Variants in PKIB observed in about 807,000 individuals in gnomAD.
PKIB encodes PKI-beta.
In PKIB, 2 loss-of-function variants were observed where a neutral mutation model predicts 4.5. The ratio of observed to expected loss-of-function variants is 0.44; its 90% CI spans 0.18 to 1.39. PKIB has a LOEUF of 1.39. Among genes scored for constraint, PKIB ranks in the 40% most tolerant of loss-of-function variants. The probability of loss-of-function intolerance (pLI) is 0.27; values close to 1 mark genes in which losing one functional copy is unlikely to be tolerated. For missense variants in PKIB, 94 were observed against 92.6 expected (o/e 1.02, Z -0.06); for synonymous variants, 38 against 36.0 (o/e 1.06, Z -0.20).
At chr6:122,481,152 G>A (rs1451742535) in intron 2 of PKIB, 1 of 152,104 alleles carries the variant, frequency 6.6e-6, no homozygotes, top group Admixed American at 6.5e-5. Context: ...AGAACAAATA[G>A]GTTTCATGTG....
rs149903649 is a variant in PKIB at position 122,696,985 on chromosome 6, G to C, written c.-8-20802G>C. On this transcript the variant is annotated intron_variant, in intron 3 of 4. Coordinates refer to ENST00000368452, the MANE Select transcript of PKIB (RefSeq NM_181795.3). ...ACACCACCTGACCCTGAAGAGATGA[G>C]ACCAACAGCAAGTTATTAGTCATGT... Among the ~76,000 whole-genome samples, 124 of 152,292 alleles carry C rather than the reference G, an allele frequency of 8.1e-4. 1 individual carries two copies. Among genetic ancestry groups the C allele is most frequent in the South Asian group, 4.3e-3 (21 of 4,834 alleles).
chr6:122,694,024 G>A lies in PKIB; in HGVS notation c.-9+18880G>A, dbSNP rs567841761. On this transcript the variant is annotated intron_variant, in intron 3 of 4. Coordinates refer to ENST00000368452, the MANE Select transcript of PKIB (RefSeq NM_181795.3). ...TGAAATTGGATGAGTAGGCTTCCAAGGTCGTGCGTATGCATTTCTACACTT... is the reference window on the plus strand; with the variant it reads ...TGAAATTGGATGAGTAGGCTTCCAAAGTCGTGCGTATGCATTTCTACACTT... Among the ~76,000 whole-genome samples, 47 of 152,234 alleles carry A rather than the reference G, an allele frequency of 3.1e-4. No individual in the cohort carries two copies. The South Asian group carries it at 9.5e-3, about 31-fold the overall frequency.
chr6:122,588,414 T>C (rs1390357069), intron 3 of PKIB, among the ~76,000 whole-genome samples: 2 of 152,090 alleles, frequency 1.3e-5, no homozygotes, highest in Non-Finnish European at 2.9e-5. Context: ...CTTCACAGAA[T>C]TGGAAAAAAC....
rs370374504 is a variant in PKIB at position 122,497,345 on chromosome 6, T to C, written c.-248+19406T>C. Among the ~76,000 whole-genome samples, 18 of 152,252 alleles carry C rather than the reference T, an allele frequency of 1.2e-4. No homozygotes were observed. The East Asian group carries it at 2.9e-3, about 25-fold the overall frequency. The stretch of plus-strand genomic sequence containing the variant: ...AACTACAAAGCAACCAGCTAACAAC[T>C]TTATGATAGAATCAAAACTTCACAT... On this transcript the variant is annotated intron_variant, in intron 2 of 6. Coordinates refer to the PKIB transcript ENST00000392491.
At chr6:122,609,921 C>G (rs1377588748), upstream of PKIB, among the ~76,000 whole-genome samples, 1 of 152,166 alleles carries the variant, frequency 6.6e-6, no homozygotes, top group Non-Finnish European at 1.5e-5. Context: ...CGTAGATAAG[C>G]CTGTGTACCT....
At chr6:122,612,755 T>G (rs1483313999) in intron 1 of PKIB, among the ~76,000 whole-genome samples, 1 of 152,264 alleles carries the variant, frequency 6.6e-6, no homozygotes, top group East Asian at 1.9e-4. Context: ...CTGAGAACAT[T>G]TGCATTCAAG....
chr6:122,505,083 T>G (rs1236066550), intron 2 of PKIB, among the ~76,000 whole-genome samples: 2 of 152,242 alleles, frequency 1.3e-5, no homozygotes, highest in African/African-American at 4.8e-5. Flanking sequence ...GTCATAGGCG[T>G]TATCTATAGT....
At chr6:122,648,839 T>C (rs984486691) in intron 2 of PKIB, among the ~76,000 whole-genome samples, 1 of 152,212 alleles carries the variant, frequency 6.6e-6, no homozygotes, top group Non-Finnish European at 1.5e-5. Context: ...AGTGTTGGTC[T>C]CTGCTGCTGG....
Position 122,634,041 on chromosome 6 carries a change from T to C in PKIB, c.-76+674T>C, listed in dbSNP as rs147489801. 1.8e-3 allele frequency among the ~76,000 whole-genome samples: 279 copies of C among 152,148 alleles called. 1 individual carries two copies. Among genetic ancestry groups the C allele is most frequent in the African/African-American group, 6.5e-3 (268 of 41,504 alleles). ...TACACAGTAGTGCATCCTTTGAAAA[T>C]TGAGGCCACATTCATATTGCAGTCT... On this transcript the variant is annotated intron_variant, in intron 2 of 4. Transcript: ENST00000368452.
At chr6:122,613,959 C>CAAAAAAA (rs67112737) in intron 1 of PKIB, among the ~76,000 whole-genome samples, 21 of 77,368 alleles carry the variant, frequency 2.7e-4, no homozygotes, top group Non-Finnish European at 3.4e-4. Flanking sequence ...GAGACTCCAT[C>CAAAAAAA]AAAAAAAAAA....
chr6:122,489,196 A>G (rs1775865712), intron 2 of PKIB, among the ~76,000 whole-genome samples: 1 of 150,920 alleles, frequency 6.6e-6, no homozygotes, highest in Non-Finnish European at 1.5e-5. Context: ...GGGGAAAAAT[A>G]AGAGACTTTT....
At chr6:122,506,317 G>A (rs190708973) in intron 2 of PKIB, among the ~76,000 whole-genome samples, 9 of 152,254 alleles carry the variant, frequency 5.9e-5, no homozygotes, top group South Asian at 4.1e-4. Flanking sequence ...TTTGGGCACC[G>A]TTTGGTGGGA....
chr6:122,696,717 A>G (rs1353355191), intron 3 of PKIB, among the ~76,000 whole-genome samples: 4 of 152,204 alleles, frequency 2.6e-5, no homozygotes, highest in African/African-American at 9.7e-5. Context: ...AAGAGGATGC[A>G]GATGCACATA....
At chr6:122,484,475 A>G (rs1276293844) in intron 2 of PKIB, among the ~76,000 whole-genome samples, 2 of 152,186 alleles carry the variant, frequency 1.3e-5, no homozygotes, top group African/African-American at 2.4e-5. Flanking sequence ...TTTTTGGAAG[A>G]TGTATTCTGT....
intron 2 of PKIB, among the ~76,000 whole-genome samples, chr6:122,665,936 C>T (rs1777205385): frequency 6.6e-6 from 1 of 152,150 alleles, no homozygotes; most frequent in South Asian, 2.1e-4. Flanking sequence ...GTTTATTAAG[C>T]ACTTACTATG....
chr6:122,616,256 G>A (rs1436139090), intron 1 of PKIB, among the ~76,000 whole-genome samples: 2 of 152,152 alleles, frequency 1.3e-5, no homozygotes, highest in Non-Finnish European at 2.9e-5. Flanking sequence ...AAAATGTGTG[G>A]CATGATCAAC....
Position 122,725,428 on chromosome 6 carries a change from G to C in PKIB, c.*233G>C. On this transcript the variant is annotated 3_prime_UTR_variant, in exon 5 of 5. Coordinates refer to ENST00000368452, the MANE Select transcript of PKIB (RefSeq NM_181795.3). ...AAATCGCACTGAAGGAAAAGGTTAA[G>C]AATAATACATGATCACAGAAATGCA... 1 of 469,418 alleles carries C rather than the reference G, an allele frequency of 2.1e-6. No homozygotes were observed. The highest frequency in any genetic ancestry group is 3.9e-6 in the Non-Finnish European group (1 of 257,950). 29.1% of individuals were successfully genotyped at this position (469,418 alleles called of 1,614,324 possible).
At chr6:122,541,010 C>G (rs1582686339) in intron 2 of PKIB, among the ~76,000 whole-genome samples, 2 of 150,638 alleles carry the variant, frequency 1.3e-5, no homozygotes, top group Admixed American at 1.3e-4. Flanking sequence ...CAACCCCTGC[C>G]TTTTTTTTGT....
At chr6:122,586,071 C>G (rs1773838868) in intron 3 of PKIB, 1 of 152,036 alleles carries the variant, frequency 6.6e-6, no homozygotes, top group Non-Finnish European at 1.5e-5. Flanking sequence ...TAATAGAATG[C>G]CTGGTGCATA....
Sources: allele counts gnomAD v4.1 joint callset (sites outside exome capture counted in the v4.1 genomes callset), GRCh38; gene constraint gnomAD v4.1.1; transcripts MANE v1.5; gene names NCBI Gene and HGNC (gene_info 2026-07-23, HGNC 2026-07-21).